CTBP2: variants seen among roughly 807,000 people sequenced by gnomAD.
CTBP2 encodes the protein C-terminal-binding protein 2.
A neutral mutation model predicts 80.3 loss-of-function variants in CTBP2; 30 were observed. That is an observed-to-expected ratio of 0.37 (90% CI 0.28 to 0.51). The LOEUF is 0.51. Among genes scored for constraint, CTBP2 ranks in the 20% least tolerant of loss-of-function variants. The probability of loss-of-function intolerance (pLI) is 0.93; values close to 1 mark genes in which losing one functional copy is unlikely to be tolerated. For missense variants in CTBP2, 1,212 were observed against 1,375.3 expected (o/e 0.88, Z 1.88); for synonymous variants, 594 against 587.4 (o/e 1.01, Z -0.16).
chr10:125,159,226 G>C (rs151071762), intron 1 of CTBP2, among the ~76,000 whole-genome samples: 1 of 150,570 alleles, frequency 6.6e-6, no homozygotes, highest in African/African-American at 2.4e-5. Context: ...GGTCCCTGCC[G>C]CCCGGGGCGC....
At chr10:125,077,039 T>C (rs957570954) in intron 2 of CTBP2, among the ~76,000 whole-genome samples, 9 of 152,218 alleles carry the variant, frequency 5.9e-5, no homozygotes, top group African/African-American at 1.9e-4. Flanking sequence ...CTGATGTGTG[T>C]GTCCAGATGC....
chr10:125,078,997 AC>A (rs1222293432), intron 2 of CTBP2, among the ~76,000 whole-genome samples: 1 of 147,512 alleles, frequency 6.8e-6, no homozygotes, highest in Non-Finnish European at 1.5e-5. Context: ...AAAAAAAAAA[AC>A]GAGCCGGGCA....
intron 1 of CTBP2, among the ~76,000 whole-genome samples, chr10:125,010,723 G>A (rs891213410): frequency 8.5e-5 from 13 of 152,210 alleles, no homozygotes; most frequent in African/African-American, 3.1e-4. Flanking sequence ...CTGGAAGACA[G>A]CATGAGGAGA....
At chr10:125,056,138 C>A (rs1194777556) in intron 2 of CTBP2, among the ~76,000 whole-genome samples, 1 of 151,334 alleles carries the variant, frequency 6.6e-6, no homozygotes, top group Non-Finnish European at 1.5e-5. Context: ...GCACTCCAGC[C>A]TGGGCAATAC....
At chr10:125,005,843 C>T in intron 1 of CTBP2, 1 of 1,584,212 alleles carries the variant, frequency 6.3e-7, no homozygotes, top group Non-Finnish European at 8.6e-7. Flanking sequence ...GTGAGGAACA[C>T]CCCAACTTCA....
chr10:125,113,565 G>A (rs12784380), intron 1 of CTBP2, among the ~76,000 whole-genome samples: 9,117 of 152,196 alleles, frequency 0.06, 277 homozygotes, highest in Middle Eastern at 0.072. Context: ...AAAATATAAA[G>A]GGATTGTATC....
chr10:125,136,367 G>A (rs1350714284), intron 1 of CTBP2, among the ~76,000 whole-genome samples: 2 of 152,190 alleles, frequency 1.3e-5, no homozygotes, highest in Non-Finnish European at 2.9e-5. Context: ...CAGCTTGATC[G>A]CCTGCCCAGT....
In CTBP2 at chr10:124,992,781, C is replaced by T. The variant is rs759102800; in HGVS notation, c.2691G>A (p.Val897=). 11 of 1,611,304 alleles carry T rather than the reference C, an allele frequency of 6.8e-6. No individual in the cohort carries two copies. The South Asian group carries it at 1.2e-4, about 18-fold the overall frequency. ...CTGATGTGACAAAGAATTCCTTGTT[C>T]ACACAATTTCTTAAGCTTTCTGGGA... The change falls in exon 8 of 9, where the codon GTG becomes GTA. Residue 897 remains valine (V), a synonymous_variant. Transcript: ENST00000309035.
chr10:125,102,694 TAAC>T (rs1471229698), intron 2 of CTBP2, among the ~76,000 whole-genome samples: 1 of 152,230 alleles, frequency 6.6e-6, no homozygotes, highest in Admixed American at 6.5e-5. Flanking sequence ...AGGTTTTTTT[TAAC>T]AAATGTGGGA....
chr10:125,018,377 C>T (rs1344042679), intron 1 of CTBP2, among the ~76,000 whole-genome samples: 1 of 152,106 alleles, frequency 6.6e-6, no homozygotes, highest in Non-Finnish European at 1.5e-5. Flanking sequence ...CAAAAATTAA[C>T]CAGGTATGGT....
intron 2 of CTBP2, among the ~76,000 whole-genome samples, chr10:125,057,462 A>C (rs903123885): frequency 1.1e-4 from 17 of 152,160 alleles, no homozygotes; most frequent in African/African-American, 3.9e-4. Context: ...TGGGCCCCTG[A>C]CTGGCAATTA....
In CTBP2 at chr10:125,060,822, A is replaced by T. The variant is rs950696365; in HGVS notation, c.-101-21667T>A. ...AGGCCGGTGCCCCAACCTAGAGGAC[A>T]CGAAGCCGAGGCCAGGACTGTGGAC... is the stretch of plus-strand genomic sequence containing the variant. On this transcript the variant is annotated intron_variant, in intron 2 of 10. Coordinates refer to the CTBP2 transcript ENST00000337195. Among the ~76,000 whole-genome samples the T allele has an allele frequency of 1.4e-4, 21 of 152,224 alleles. No individual in the cohort carries two copies. The East Asian group carries it at 4.0e-3, about 29-fold the overall frequency.
chr10:125,115,282 T>C (rs58748869), intron 1 of CTBP2, among the ~76,000 whole-genome samples: 14,416 of 152,228 alleles, frequency 0.095, 914 homozygotes, highest in African/African-American at 0.17. Flanking sequence ...AGCACCACTG[T>C]GCGCTGTGTT....
rs533690180 is a variant in CTBP2 at position 125,143,218 on chromosome 10, TG to T, written c.-206+17100del. 3.4e-3 allele frequency among the ~76,000 whole-genome samples: 524 copies of T among 152,302 alleles called. 2 individuals carry two copies. Among genetic ancestry groups the T allele is most frequent in the African/African-American group, 0.012 (501 of 41,572 alleles). ...ATTCGCCTCAGCCGGCCGGGTGTGT[TG>T]GCTCACACCTGTAATCCCAGCACTT... On this transcript the variant is annotated intron_variant, in intron 1 of 10. Coordinates refer to the CTBP2 transcript ENST00000337195.
intron 2 of CTBP2, among the ~76,000 whole-genome samples, chr10:125,106,200 C>T (rs1397624558): frequency 2.0e-5 from 3 of 151,830 alleles, no homozygotes; most frequent in Non-Finnish European, 2.9e-5. Flanking sequence ...GAAAGATGCA[C>T]CCCATGTGCG....
rs370833754 is a variant in CTBP2 at position 125,155,084 on chromosome 10, C to G, written c.-206+5235G>C. On this transcript the variant is annotated intron_variant, in intron 1 of 10. Transcript: ENST00000337195. ...GTTTACTTTCCTTGAGGAACTCTTA[C>G]TATCTGCCGTTAAAATCGTTCCTCA... 7.2e-5 allele frequency among the ~76,000 whole-genome samples: 11 copies of G among 152,312 alleles called. No individual in the cohort carries two copies. In the East Asian group the frequency reaches 1.9e-3, roughly 27 times the overall value.
intron 2 of CTBP2, among the ~76,000 whole-genome samples, chr10:125,091,861 C>T (rs1848813121): frequency 6.6e-6 from 1 of 152,130 alleles, no homozygotes; most frequent in Admixed American, 6.6e-5. Flanking sequence ...AAAATTCTAC[C>T]AACTAAAGAT....
intron 2 of CTBP2, among the ~76,000 whole-genome samples, chr10:125,055,847 C>T (rs1322741435): frequency 1.3e-5 from 2 of 152,178 alleles, no homozygotes; most frequent in Non-Finnish European, 2.9e-5. Context: ...GGCTGGAACG[C>T]TTTTTAGCTG....
chr10:125,134,280 G>A (rs576298141), intron 1 of CTBP2, among the ~76,000 whole-genome samples: 1 of 152,136 alleles, frequency 6.6e-6, no homozygotes, highest in Non-Finnish European at 1.5e-5. Context: ...CAGAGTCCAC[G>A]GCAGTAAGAG....
Sources: allele counts gnomAD v4.1 joint callset (sites outside exome capture counted in the v4.1 genomes callset), GRCh38; gene constraint gnomAD v4.1.1; transcripts MANE v1.5; gene names NCBI Gene and HGNC (gene_info 2026-07-23, HGNC 2026-07-21).